ZNF423: variants seen among roughly 807,000 people sequenced by gnomAD.
The protein encoded by ZNF423 is Ebf-associated zinc finger protein.
Under a neutral mutation model 95.8 loss-of-function variants are expected in ZNF423, and 12 were observed. That is an observed-to-expected ratio of 0.13 (90% CI 0.08 to 0.20). ZNF423 has a LOEUF of 0.20. Among genes scored for constraint, ZNF423 ranks in the 10% least tolerant of loss-of-function variants. The pLI, the probability that ZNF423 is intolerant of heterozygous loss-of-function variation, is 1.00. For synonymous variants in ZNF423, 749 were observed against 711.9 expected, an observed-to-expected ratio of 1.05 and a Z score of -0.83; for missense variants, 1,316 against 1,737.1, an observed-to-expected ratio of 0.76 and a Z score of 4.31.
intron 7 of ZNF423, among the ~76,000 whole-genome samples, chr16:49,510,862 T>G (rs1967864759): frequency 6.6e-6 from 1 of 152,202 alleles, no homozygotes; most frequent in Admixed American, 6.5e-5. Flanking sequence ...ACACACACAA[T>G]GGCCACCGGC....
intron 1 of ZNF423, among the ~76,000 whole-genome samples, chr16:49,792,483 A>G (rs1328270564): frequency 6.6e-6 from 1 of 152,232 alleles, no homozygotes. Context: ...GGGGAGGTCC[A>G]GAGTGGCAGA....
chr16:49,845,633 C>T lies in ZNF423; in HGVS notation c.40+10102G>A, dbSNP rs147505851. On this transcript the variant is annotated intron_variant, in intron 1 of 7. Transcript: ENST00000563137. ...ATGGCTCACCACAGCCTCAACCTTC[C>T]GGGCTCAGGTGATTCTCCCACCTTA... is the stretch of plus-strand genomic sequence containing the variant. Among the ~76,000 whole-genome samples, 560 of 152,080 alleles carry T rather than the reference C, an allele frequency of 3.7e-3. 4 individuals carry two copies. Among genetic ancestry groups the T allele is most frequent in the African/African-American group, 0.012 (510 of 41,494 alleles).
intron 3 of ZNF423, among the ~76,000 whole-genome samples, chr16:49,695,245 C>T (rs1041617024): frequency 6.6e-6 from 1 of 152,216 alleles, no homozygotes; most frequent in African/African-American, 2.4e-5. Context: ...TCCCAAGTAG[C>T]TGGCATTATA....
chr16:49,544,961 C>T (rs189792999), intron 5 of ZNF423, among the ~76,000 whole-genome samples: 1 of 152,364 alleles, frequency 6.6e-6, no homozygotes, highest in East Asian at 1.9e-4. Flanking sequence ...AGAGCTGAAG[C>T]GAAGCCAGCT....
chr16:49,833,574 C>T (rs908000046), intron 1 of ZNF423, among the ~76,000 whole-genome samples: 3 of 152,126 alleles, frequency 2.0e-5, no homozygotes, highest in East Asian at 1.9e-4. Context: ...GTCCTGACTT[C>T]GCTCCCAGAG....
At chr16:49,854,016 GA>G (rs2035329666) in intron 1 of ZNF423, 13 of 985,256 alleles carry the variant, frequency 1.3e-5, no homozygotes, top group Non-Finnish European at 1.6e-5. Flanking sequence ...GTGAGCCAGG[GA>G]AAGAGAAAAG....
At chr16:49,797,080 C>T (rs192708567) in intron 1 of ZNF423, among the ~76,000 whole-genome samples, 7 of 152,260 alleles carry the variant, frequency 4.6e-5, no homozygotes, top group Admixed American at 4.6e-4. Context: ...ACTGCCCCTC[C>T]TTAGCTCAAC....
At position 49,523,693 on chromosome 16, in the gene ZNF423, G is replaced by A. The variant is rs771402591; in HGVS notation, c.3780C>T (p.His1260=). 6.2e-6 allele frequency: 10 copies of A among 1,613,986 alleles called. No homozygotes were observed. The highest frequency in any genetic ancestry group is 4.5e-5 in the East Asian group (2 of 44,898). The change falls in exon 7 of 8, where the codon CAC becomes CAT. Residue 1260 remains histidine (H), a synonymous_variant. Coordinates refer to ENST00000563137, the MANE Select transcript of ZNF423 (RefSeq NM_001379286.1). ...NKLQQHIFAV[H]GQEDKIYDCS... is the part of the protein sequence containing the mutation. ...AGTCGTAGATCTTGTCCTCCTGCCC[G>A]TGCACGGCAAAGATGTGCTGCTGCA... is the stretch of plus-strand genomic sequence containing the variant.
At chr16:49,548,819 A>C (rs1969530391) in intron 5 of ZNF423, among the ~76,000 whole-genome samples, 1 of 152,082 alleles carries the variant, frequency 6.6e-6, no homozygotes, top group Admixed American at 6.6e-5. Context: ...CCACACCCGG[A>C]CCCACACTCC....
chr16:49,499,397 C>T lies in ZNF423; in HGVS notation c.3850-8093G>A, dbSNP rs113723238. On this transcript the variant is annotated intron_variant, in intron 7 of 7. Coordinates refer to ENST00000563137, the MANE Select transcript of ZNF423 (RefSeq NM_001379286.1). Reference sequence around the variant, plus strand: ...AGAGCCTCAATTCATCCGGAACTCCCGGCCTAGAGGGAGATTCCAACTTCC... The same window carrying T: ...AGAGCCTCAATTCATCCGGAACTCCTGGCCTAGAGGGAGATTCCAACTTCC... Among the ~76,000 whole-genome samples the T allele has an allele frequency of 9.2e-5, 14 of 152,346 alleles. 1 individual carries two copies. Among genetic ancestry groups the T allele is most frequent in the African/African-American group, 2.2e-4 (9 of 41,584 alleles).
At chr16:49,549,805 T>A (rs1969572397) in intron 5 of ZNF423, among the ~76,000 whole-genome samples, 1 of 152,182 alleles carries the variant, frequency 6.6e-6, no homozygotes, top group Admixed American at 6.5e-5. Flanking sequence ...TAACTACATT[T>A]CTGAACCGTA....
At chr16:49,830,592 G>A (rs1279597276) in intron 1 of ZNF423, among the ~76,000 whole-genome samples, 1 of 152,166 alleles carries the variant, frequency 6.6e-6, no homozygotes, top group African/African-American at 2.4e-5. Flanking sequence ...ATTTAGGAGA[G>A]GTATCTTTCC....
intron 2 of ZNF423, among the ~76,000 whole-genome samples, chr16:49,741,536 A>T (rs190587788): frequency 6.6e-6 from 1 of 152,040 alleles, no homozygotes; most frequent in Non-Finnish European, 1.5e-5. Flanking sequence ...GGAGGAGGAA[A>T]TCCACCGTTC....
intron 1 of ZNF423, among the ~76,000 whole-genome samples, chr16:49,807,110 A>G (rs2034676619): frequency 6.6e-6 from 1 of 151,576 alleles, no homozygotes; most frequent in African/African-American, 2.4e-5. Context: ...AACTCCACAC[A>G]CATTATCTTC....
intron 5 of ZNF423, among the ~76,000 whole-genome samples, chr16:49,527,476 C>A (rs73578478): frequency 0.047 from 7,216 of 152,134 alleles, 239 homozygotes; most frequent in African/African-American, 0.093. Context: ...CCCAATGCAT[C>A]CCCTGCCCCC....
chr16:49,740,368 G>A (rs1010676781), intron 2 of ZNF423, among the ~76,000 whole-genome samples: 7 of 152,282 alleles, frequency 4.6e-5, no homozygotes, highest in Admixed American at 2.0e-4. Context: ...AGCAGGCCCC[G>A]GGAGGGGTGT....
intron 3 of ZNF423, among the ~76,000 whole-genome samples, chr16:49,716,479 C>T (rs1477470199): frequency 6.6e-6 from 1 of 152,182 alleles, no homozygotes; most frequent in Non-Finnish European, 1.5e-5. Context: ...ATACCCATGA[C>T]GTCATTTCCA....
chr16:49,795,648 A>C (rs1307418184), intron 1 of ZNF423, among the ~76,000 whole-genome samples: 1 of 152,132 alleles, frequency 6.6e-6, no homozygotes, highest in Non-Finnish European at 1.5e-5. Context: ...ACTTCACCGG[A>C]CAGGGCCTTG....
intron 5 of ZNF423, among the ~76,000 whole-genome samples, chr16:49,623,301 C>T (rs1972148925): frequency 6.6e-6 from 1 of 152,194 alleles, no homozygotes; most frequent in African/African-American, 2.4e-5. Context: ...AGAAGCCCGG[C>T]CCACAGCTCA....
Sources: gnomAD v4.1 joint callset for allele counts (sites outside exome capture counted in the v4.1 genomes callset) on GRCh38, gnomAD v4.1.1 for gene constraint, MANE v1.5 for transcripts, NCBI Gene and HGNC (gene_info 2026-07-23, HGNC 2026-07-21) for gene names.